UTS2B: variants seen among roughly 807,000 people sequenced by gnomAD.
UTS2B encodes urotensin 2B.
Under a neutral mutation model 19.2 loss-of-function variants are expected in UTS2B, and 21 were observed. The ratio of observed to expected loss-of-function variants is 1.09; its 90% CI spans 0.78 to 1.58. The LOEUF (loss-of-function observed/expected upper bound fraction) is 1.58, where lower values mean the gene tolerates loss of function less well. Among genes scored for constraint, UTS2B ranks in the 40% most tolerant of loss-of-function variants. UTS2B has a pLI of 0.00. For missense variants in UTS2B, 138 were observed against 130.3 expected (o/e 1.06, Z -0.29); for synonymous variants, 57 against 50.2 (o/e 1.14, Z -0.58).
chr3:191,298,077 C>A (rs908026606), intron 4 of UTS2B, among the ~76,000 whole-genome samples: 1 of 152,166 alleles, frequency 6.6e-6, no homozygotes, highest in African/African-American at 2.4e-5. Context: ...CCTTTCTTAT[C>A]ATCAACTGTT....
In UTS2B at chr3:191,282,243, G is replaced by A. The variant is rs760623514; in HGVS notation, c.-54C>T. 56 of 1,363,836 alleles carry A rather than the reference G, an allele frequency of 4.1e-5. No homozygotes were observed. Among genetic ancestry groups the A allele is most frequent in the Middle Eastern group, 1.8e-4 (1 of 5,588 alleles). 84.5% of individuals were successfully genotyped at this position (1,363,836 alleles called of 1,614,324 possible). On this transcript the variant is annotated 5_prime_UTR_variant, in exon 5 of 9. Transcript: ENST00000340524. ...GAAACAGACTTTCCAGGTCAAGATG[G>A]ATATTTCTATAGCTTTGGAATTCAG... is the stretch of plus-strand genomic sequence containing the variant.
chr3:191,326,202 A>G (rs1286176033), intron 2 of UTS2B, among the ~76,000 whole-genome samples: 3 of 152,164 alleles, frequency 2.0e-5, no homozygotes, highest in Non-Finnish European at 4.4e-5. Flanking sequence ...TGATAATAAA[A>G]TTGGATAACT....
chr3:191,344,693 C>G, the UTS2B span, among the ~76,000 whole-genome samples: 1 of 152,168 alleles, frequency 6.6e-6, no homozygotes, highest in East Asian at 1.9e-4. Context: ...ATTCTCCTGC[C>G]TCAGCCTCCT....
chr3:191,273,326 T>C (rs1418761454), intron 8 of UTS2B: 1 of 369,566 alleles, frequency 2.7e-6, no homozygotes, highest in Non-Finnish European at 5.4e-6. Context: ...AGATAAAGGA[T>C]AGACTATGAT....
chr3:191,323,170 A>G (rs1177432731), intron 2 of UTS2B, among the ~76,000 whole-genome samples: 4 of 75,624 alleles, frequency 5.3e-5, no homozygotes, highest in Admixed American at 5.2e-4. Flanking sequence ...TATTTTTGAG[A>G]CAGACTCTCG....
intron 4 of UTS2B, among the ~76,000 whole-genome samples, chr3:191,291,847 C>T (rs1050551709): frequency 2.6e-5 from 4 of 152,076 alleles, no homozygotes; most frequent in African/African-American, 9.7e-5. Flanking sequence ...AGTTGTCTCA[C>T]CACATTTGTT....
upstream of UTS2B, among the ~76,000 whole-genome samples, chr3:191,331,730 T>C (rs1476909355): frequency 1.3e-5 from 2 of 152,168 alleles, no homozygotes; most frequent in African/African-American, 4.8e-5. Flanking sequence ...AGTATTCAAG[T>C]CTAATAAAGT....
chr3:191,344,952 C>G, the UTS2B span, among the ~76,000 whole-genome samples: 1 of 152,290 alleles, frequency 6.6e-6, no homozygotes, highest in South Asian at 2.1e-4. Flanking sequence ...TCCTCACATC[C>G]TCAAATGCAC....
intron 4 of UTS2B, among the ~76,000 whole-genome samples, chr3:191,304,093 G>A (rs4677733): frequency 0.14 from 21,739 of 152,036 alleles, 2,018 homozygotes; most frequent in Non-Finnish European, 0.2. Flanking sequence ...CCATAGCTGG[G>A]ATTACAGGCA....
intron 3 of UTS2B, among the ~76,000 whole-genome samples, chr3:191,305,320 C>G (rs925590164): frequency 5.9e-5 from 9 of 152,184 alleles, no homozygotes; most frequent in Non-Finnish European, 4.4e-5. Flanking sequence ...CAGAACATCA[C>G]CAGCATCTAT....
At chr3:191,338,690 G>A in the UTS2B span, among the ~76,000 whole-genome samples, 5 of 152,108 alleles carry the variant, frequency 3.3e-5, no homozygotes, top group African/African-American at 2.4e-5. Context: ...CCCCATTGAA[G>A]CTCCATAGAG....
chr3:191,335,043 T>G (rs1718096926), upstream of UTS2B, among the ~76,000 whole-genome samples: 1 of 152,208 alleles, frequency 6.6e-6, no homozygotes, highest in Non-Finnish European at 1.5e-5. Context: ...AGGTAGAAAC[T>G]CTAAAATTAA....
intron 2 of UTS2B, among the ~76,000 whole-genome samples, chr3:191,322,122 T>C (rs544575809): frequency 6.6e-6 from 1 of 152,306 alleles, no homozygotes; most frequent in Non-Finnish European, 1.5e-5. Context: ...CATTCATATA[T>C]AATGTATGAA....
intron 4 of UTS2B, among the ~76,000 whole-genome samples, chr3:191,299,379 T>G (rs1584935): frequency 6.6e-6 from 1 of 152,170 alleles, no homozygotes; most frequent in Non-Finnish European, 1.5e-5. Flanking sequence ...CCAATACCCT[T>G]TGCAGCCTCT....
chr3:191,306,778 C>T (rs370190478), intron 3 of UTS2B, among the ~76,000 whole-genome samples: 42 of 152,272 alleles, frequency 2.8e-4, no homozygotes, highest in Middle Eastern at 3.4e-3. Flanking sequence ...GGGTTTCAGA[C>T]GCACACCACC....
Position 191,276,840 on chromosome 3 carries a change from T to C in UTS2B, c.207A>G (p.Leu69=), listed in dbSNP as rs149817500. 16,413 of 1,611,648 alleles carry C rather than the reference T, an allele frequency of 0.01. 124 individuals carry two copies. The highest frequency in any genetic ancestry group is 0.011 in the Non-Finnish European group (13,515 of 1,178,976). ...FDFQRPFNTD[L]ALPNKLEELN... The stretch of plus-strand genomic sequence containing the variant: ...GTTCTTCCAGTTTGTTAGGTAAGGC[T>C]AGGTCTGCAAGACACATTTGTCACA... Residue 69 remains leucine, a synonymous_variant, in exon 7 of 9, where the codon CTA becomes CTG. Coordinates refer to ENST00000340524, the MANE Select transcript of UTS2B (RefSeq NM_198152.5).
intron 2 of UTS2B, among the ~76,000 whole-genome samples, chr3:191,317,064 G>T (rs952785723): frequency 1.1e-4 from 16 of 152,252 alleles, no homozygotes; most frequent in Non-Finnish European, 2.1e-4. Context: ...GGAGCAGGGG[G>T]TGGTGCCCGT....
chr3:191,316,627 C>T (rs1576934212), intron 2 of UTS2B, among the ~76,000 whole-genome samples, 188 bp from the exon 3 acceptor site: 1 of 152,154 alleles, frequency 6.6e-6, no homozygotes, highest in Non-Finnish European at 1.5e-5. Flanking sequence ...GACAGGGTAC[C>T]GATTCGTGTG....
At chr3:191,268,849 T>C (rs1716013079) in intron 8 of UTS2B, among the ~76,000 whole-genome samples, 1 of 152,104 alleles carries the variant, frequency 6.6e-6, no homozygotes, top group African/African-American at 2.4e-5. Flanking sequence ...AAAAAGAAAG[T>C]CACATAAGTA....
Sources: allele counts gnomAD v4.1 joint callset (sites outside exome capture counted in the v4.1 genomes callset), GRCh38; gene constraint gnomAD v4.1.1; transcripts MANE v1.5; gene names NCBI Gene and HGNC (gene_info 2026-07-23, HGNC 2026-07-21).